The following FMNL2 variants were observed in gnomAD, a reference collection of about 807,000 sequenced individuals.
FMNL2 encodes formin-like protein 2.
FMNL2 carries 51 observed loss-of-function variants against 130.2 expected under a neutral mutation model. That is an observed-to-expected ratio of 0.39 (90% CI 0.31 to 0.49). The LOEUF is 0.49. Ranked by LOEUF, FMNL2 falls within the 20% of genes least tolerant of loss-of-function variation. The probability of loss-of-function intolerance (pLI) is 0.85; values close to 1 mark genes in which losing one functional copy is unlikely to be tolerated. For missense variants in FMNL2, 977 were observed against 1,316.2 expected, an observed-to-expected ratio of 0.74 and a Z score of 3.99; for synonymous variants, 465 against 467.1, an observed-to-expected ratio of 1.00 and a Z score of 0.06.
chr2:152,407,190 C>T (rs1686029873), intron 1 of FMNL2, among the ~76,000 whole-genome samples: 3 of 53,988 alleles, frequency 5.6e-5, no homozygotes. Flanking sequence ...TTTTCACTTT[C>T]TGTTTTTGTT....
chr2:152,427,362 C>G (rs866686328), intron 1 of FMNL2, among the ~76,000 whole-genome samples: 2 of 152,100 alleles, frequency 1.3e-5, no homozygotes, highest in South Asian at 4.1e-4. Context: ...GCCTGGCCAA[C>G]ATGGTGAAAC....
intron 1 of FMNL2, among the ~76,000 whole-genome samples, chr2:152,488,607 C>T (rs993927925): frequency 6.6e-6 from 1 of 152,210 alleles, no homozygotes; most frequent in South Asian, 2.1e-4. Flanking sequence ...TGTAAACAGA[C>T]ATATGCACAC....
intron 6 of FMNL2, 139 bp from the exon 7 acceptor site, chr2:152,574,997 C>T (rs1478401456): frequency 3.6e-6 from 2 of 560,822 alleles, no homozygotes; most frequent in Non-Finnish European, 6.3e-6. Context: ...TGAAATCAAT[C>T]TTACTGTTGC....
chr2:152,402,195 C>T (rs1238783226), intron 1 of FMNL2, among the ~76,000 whole-genome samples: 1 of 152,168 alleles, frequency 6.6e-6, no homozygotes, highest in Admixed American at 6.5e-5. Context: ...AGCCACTACG[C>T]CCGGCCGTGT....
intron 1 of FMNL2, among the ~76,000 whole-genome samples, chr2:152,374,942 C>T (rs1051755301): frequency 1.3e-5 from 2 of 152,202 alleles, no homozygotes; most frequent in African/African-American, 4.8e-5. Flanking sequence ...TGTCCCTGCT[C>T]CCTGCTAGGC....
chr2:152,405,640 C>G (rs536494659), intron 1 of FMNL2, among the ~76,000 whole-genome samples: 1 of 152,224 alleles, frequency 6.6e-6, no homozygotes, highest in Admixed American at 6.5e-5. Context: ...TGGAAAGGAC[C>G]CTAGAGACCA....
chr2:152,566,160 C>T (rs12471988), intron 6 of FMNL2, among the ~76,000 whole-genome samples: 23,678 of 152,104 alleles, frequency 0.16, 2,163 homozygotes, highest in Non-Finnish European at 0.21. Context: ...AGTGGATTTA[C>T]GTGAAGAGAT....
At chr2:152,639,561 T>C (rs1682907396) in intron 23 of FMNL2, among the ~76,000 whole-genome samples, 2 of 152,152 alleles carry the variant, frequency 1.3e-5, no homozygotes, top group Admixed American at 6.5e-5. Context: ...CCCCTAACAA[T>C]AGGCAGAAGG....
At chr2:152,616,327 GT>G (rs36107333) in intron 12 of FMNL2, among the ~76,000 whole-genome samples, 1,875 of 109,954 alleles carry the variant, frequency 0.017, 12 homozygotes, top group African/African-American at 0.038. Flanking sequence ...ATTTTTGTGG[GT>G]TTTTTTTTTT....
chr2:152,584,240 G>A (rs138007235), intron 9 of FMNL2, among the ~76,000 whole-genome samples: 1 of 152,020 alleles, frequency 6.6e-6, no homozygotes, highest in African/African-American at 2.4e-5. Flanking sequence ...TGGCATGCCT[G>A]TGCAGATAGG....
At chr2:152,526,474 C>T (rs1170500012) in intron 2 of FMNL2, among the ~76,000 whole-genome samples, 42 of 152,140 alleles carry the variant, frequency 2.8e-4, no homozygotes, top group Admixed American at 2.7e-3. Context: ...CTACATTTAG[C>T]TATGCTCACT....
At position 152,460,389 on chromosome 2, in the gene FMNL2, G is replaced by A. The variant is rs536860415; in HGVS notation, c.118-61554G>A. Among the ~76,000 whole-genome samples the A allele has an allele frequency of 2.0e-4, 31 of 152,306 alleles. 1 individual carries two copies. In the South Asian group the frequency reaches 4.6e-3, roughly 22 times the overall value. The stretch of plus-strand genomic sequence containing the variant: ...GAAAGTTATCATCCAAGTTCTTACC[G>A]TATGCCTTGCTTCTGGATGAAAACT... On this transcript the variant is annotated intron_variant, in intron 1 of 25. Transcript: ENST00000288670.
chr2:152,550,519 A>C (rs1694876333), intron 4 of FMNL2, among the ~76,000 whole-genome samples: 1 of 152,210 alleles, frequency 6.6e-6, no homozygotes, highest in Non-Finnish European at 1.5e-5. Flanking sequence ...AGTGAATTGC[A>C]CAAAGTCTAC....
At chr2:152,368,356 G>A (rs1421664421) in intron 1 of FMNL2, among the ~76,000 whole-genome samples, 1 of 152,056 alleles carries the variant, frequency 6.6e-6, no homozygotes, top group Non-Finnish European at 1.5e-5. Flanking sequence ...TCTGAAATGG[G>A]CAGAATACTC....
At chr2:152,451,234 C>T (rs1404290146) in intron 1 of FMNL2, among the ~76,000 whole-genome samples, 2 of 152,050 alleles carry the variant, frequency 1.3e-5, no homozygotes, top group African/African-American at 2.4e-5. Flanking sequence ...CTGCAACCTG[C>T]TCCTCCCAGG....
At chr2:152,457,282 T>A (rs1689010022) in intron 1 of FMNL2, among the ~76,000 whole-genome samples, 1 of 152,238 alleles carries the variant, frequency 6.6e-6, no homozygotes, top group South Asian at 2.1e-4. Flanking sequence ...AATACAACAC[T>A]TCTCCATGGA....
intron 1 of FMNL2, among the ~76,000 whole-genome samples, chr2:152,428,200 T>A (rs1687294296): frequency 6.6e-6 from 1 of 152,220 alleles, no homozygotes; most frequent in Non-Finnish European, 1.5e-5. Context: ...ATTCCAAAAA[T>A]GTTTTAAGTG....
chr2:152,498,538 T>C (rs1299610129), intron 1 of FMNL2, among the ~76,000 whole-genome samples: 1 of 152,180 alleles, frequency 6.6e-6, no homozygotes, highest in African/African-American at 2.4e-5. Flanking sequence ...CACCAATCCA[T>C]GAACTCAGTC....
At position 152,390,196 on chromosome 2, in the gene FMNL2, C is replaced by G. The variant is rs539238888; in HGVS notation, c.117+54476C>G. The G allele has an allele frequency of 7.3e-6, 10 of 1,377,760 alleles. No individual in the cohort carries two copies. In the African/African-American group the frequency reaches 1.3e-4, roughly 18 times the overall value. The allele number at this position is 1,377,760 out of a possible 1,614,324, so 85.3% of individuals were successfully genotyped here. On this transcript the variant is annotated intron_variant, in intron 1 of 25. Coordinates refer to ENST00000288670, the MANE Select transcript of FMNL2 (RefSeq NM_052905.4). ...CTGTCGGAGCTGGACCTGGTGGTCC[C>G]TTTCCGTGTAAACTTCCGGCTGAAA...
Sources: allele counts gnomAD v4.1 joint callset (sites outside exome capture counted in the v4.1 genomes callset), GRCh38; gene constraint gnomAD v4.1.1; transcripts MANE v1.5; gene names NCBI Gene and HGNC (gene_info 2026-07-23, HGNC 2026-07-21).